Variants in CNTN5 observed in about 807,000 individuals in gnomAD.
CNTN5 encodes contactin 5, also known as contactin-5.
In CNTN5, 77 loss-of-function variants were observed where a neutral mutation model predicts 129.1. The ratio of observed to expected loss-of-function variants is 0.60; its 90% CI spans 0.50 to 0.72. CNTN5 has a LOEUF of 0.72. CNTN5 is among the 30% of genes least tolerant of loss of function. The pLI is 0.00. For synonymous variants in CNTN5, 509 were observed against 465.6 expected, an observed-to-expected ratio of 1.09 and a Z score of -1.20; for missense variants, 1,478 against 1,328.8, an observed-to-expected ratio of 1.11 and a Z score of -1.75.
chr11:99,410,004 T>C (rs1591640805), intron 2 of CNTN5, among the ~76,000 whole-genome samples: 1 of 152,214 alleles, frequency 6.6e-6, no homozygotes, highest in Non-Finnish European at 1.5e-5. Flanking sequence ...TTATCCAACA[T>C]GCAATAAGTT....
chr11:99,111,826 C>T (rs1857810142), intron 1 of CNTN5, among the ~76,000 whole-genome samples: 3 of 152,024 alleles, frequency 2.0e-5, no homozygotes, highest in Admixed American at 6.6e-5. Flanking sequence ...TATATTTGTC[C>T]TAATTAATAA....
At chr11:99,025,475 A>C (rs562560090) in intron 1 of CNTN5, among the ~76,000 whole-genome samples, 1 of 151,860 alleles carries the variant, frequency 6.6e-6, no homozygotes, top group African/African-American at 2.4e-5. Context: ...ACAACCCAGA[A>C]AGGAGAACAT....
At chr11:99,128,882 GT>G (rs1266021309) in intron 1 of CNTN5, among the ~76,000 whole-genome samples, 2 of 152,152 alleles carry the variant, frequency 1.3e-5, no homozygotes, top group Non-Finnish European at 2.9e-5. Context: ...GACCGTGACT[GT>G]TAGAAGAAAA....
chr11:99,091,166 A>C (rs554610341), intron 1 of CNTN5, among the ~76,000 whole-genome samples: 1 of 152,286 alleles, frequency 6.6e-6, no homozygotes, highest in African/African-American at 2.4e-5. Context: ...AAACTGAAGA[A>C]TTTATAGACT....
intron 3 of CNTN5, among the ~76,000 whole-genome samples, chr11:99,795,081 T>C (rs1430341257): frequency 6.6e-6 from 1 of 152,230 alleles, no homozygotes; most frequent in Non-Finnish European, 1.5e-5. Context: ...ATTTGCTTTC[T>C]ATACATAATC....
chr11:99,470,891 T>C (rs1945146042), intron 2 of CNTN5, among the ~76,000 whole-genome samples: 1 of 152,144 alleles, frequency 6.6e-6, no homozygotes, highest in Admixed American at 6.6e-5. Context: ...AAGTATAGAT[T>C]CATGGCAGAA....
chr11:99,541,145 G>T (rs1948093647), intron 2 of CNTN5, among the ~76,000 whole-genome samples: 1 of 152,138 alleles, frequency 6.6e-6, no homozygotes, highest in Non-Finnish European at 1.5e-5. Context: ...TACTCTGGAA[G>T]ATTTAAGGAC....
chr11:100,193,785 A>T, intron 15 of CNTN5, 122 bp downstream of exon 15: 1 of 740,142 alleles, frequency 1.4e-6, no homozygotes. Flanking sequence ...ACTTGATAAA[A>T]ACAATTACTT....
At chr11:99,818,140 A>C (rs1946654230) in intron 3 of CNTN5, among the ~76,000 whole-genome samples, 1 of 152,234 alleles carries the variant, frequency 6.6e-6, no homozygotes, top group Non-Finnish European at 1.5e-5. Flanking sequence ...AGACAGCATA[A>C]TTATTCTAAA....
At chr11:99,149,133 G>A (rs1323487095) in intron 1 of CNTN5, among the ~76,000 whole-genome samples, 1 of 152,078 alleles carries the variant, frequency 6.6e-6, no homozygotes, top group Non-Finnish European at 1.5e-5. Flanking sequence ...AACAAATAAG[G>A]ATGAACATTT....
chr11:99,275,049 A>C (rs1863360618), intron 1 of CNTN5, among the ~76,000 whole-genome samples: 1 of 151,432 alleles, frequency 6.6e-6, no homozygotes, highest in Non-Finnish European at 1.5e-5. Flanking sequence ...TTGGACATGA[A>C]TATATATCTA....
At chr11:99,991,380 T>C (rs552260148) in intron 8 of CNTN5, among the ~76,000 whole-genome samples, 3 of 152,076 alleles carry the variant, frequency 2.0e-5, no homozygotes, top group Admixed American at 6.6e-5. Flanking sequence ...GGCAGGAGAA[T>C]GGCCTGAACC....
chr11:99,404,841 C>G (rs201370023), intron 2 of CNTN5, among the ~76,000 whole-genome samples: 1 of 152,038 alleles, frequency 6.6e-6, no homozygotes, highest in Non-Finnish European at 1.5e-5. Context: ...TTTCTTATTG[C>G]TCATTAATGT....
chr11:99,756,985 G>A (rs912327266), intron 3 of CNTN5, among the ~76,000 whole-genome samples: 6 of 150,386 alleles, frequency 4.0e-5, no homozygotes, highest in Admixed American at 4.0e-4. Flanking sequence ...TGGCAATAAC[G>A]TCTTTTTATA....
intron 3 of CNTN5, among the ~76,000 whole-genome samples, chr11:99,808,720 G>C (rs1946344375): frequency 6.6e-6 from 1 of 152,062 alleles, no homozygotes; most frequent in African/African-American, 2.4e-5. Context: ...TCCCATTTGT[G>C]AGAAATCGCC....
intron 7 of CNTN5, among the ~76,000 whole-genome samples, chr11:99,941,528 C>G (rs906221091): frequency 7.6e-6 from 1 of 131,496 alleles, no homozygotes; most frequent in South Asian, 2.5e-4. Flanking sequence ...AAAACACTTA[C>G]TGCCACGCAA....
intron 7 of CNTN5, among the ~76,000 whole-genome samples, chr11:99,935,373 T>G (rs931356997): frequency 9.2e-5 from 14 of 152,022 alleles, no homozygotes; most frequent in African/African-American, 2.9e-4. Flanking sequence ...AGAGATTAGG[T>G]TTTTTTCACC....
chr11:99,501,772 A>G (rs1033261307), intron 2 of CNTN5, among the ~76,000 whole-genome samples: 4 of 152,156 alleles, frequency 2.6e-5, no homozygotes, highest in Admixed American at 6.5e-5. Context: ...TTGAAAACTA[A>G]TTTTCTCTCT....
At chr11:99,664,937 CT>C (rs1469800210) in intron 3 of CNTN5, among the ~76,000 whole-genome samples, 1 of 152,132 alleles carries the variant, frequency 6.6e-6, no homozygotes, top group African/African-American at 2.4e-5. Context: ...AACACAGAAT[CT>C]TTTTCCTGGT....
Sources: gnomAD v4.1 joint callset for allele counts (sites outside exome capture counted in the v4.1 genomes callset) on GRCh38, gnomAD v4.1.1 for gene constraint, MANE v1.5 for transcripts, NCBI Gene and HGNC (gene_info 2026-07-23, HGNC 2026-07-21) for gene names.